CPNE4: variants seen among roughly 807,000 people sequenced by gnomAD.
CPNE4 encodes the protein copine 4, also known as copine-4.
Under a neutral mutation model 67.9 loss-of-function variants are expected in CPNE4, and 25 were observed. The ratio of observed to expected loss-of-function variants is 0.37; its 90% confidence interval spans 0.27 to 0.51. The LOEUF is 0.51. Among genes scored for constraint, CPNE4 ranks in the 20% least tolerant of loss-of-function variants. The pLI is 0.93. For missense variants in CPNE4, 464 were observed against 690.8 expected (o/e 0.67, Z 3.68); for synonymous variants, 242 against 244.9 (o/e 0.99, Z 0.11).
At chr3:131,581,711 A>T in intron 8 of CPNE4, 46 bp from the exon 9 acceptor site, 1 of 1,405,656 alleles carries the variant, frequency 7.1e-7, no homozygotes, top group Non-Finnish European at 1.0e-6. Context: ...GAAAAAGCTG[A>T]GTCTTTCAAT....
chr3:131,800,228 T>C (rs143651624), intron 2 of CPNE4, among the ~76,000 whole-genome samples: 121 of 152,246 alleles, frequency 7.9e-4, no homozygotes, highest in African/African-American at 2.7e-3. Context: ...TAAGTGAGAA[T>C]ATGTGATGCC....
intron 1 of CPNE4, among the ~76,000 whole-genome samples, chr3:131,956,574 AAT>A (rs2071979477): frequency 2.8e-5 from 4 of 144,010 alleles, no homozygotes; most frequent in Admixed American, 2.2e-4. Context: ...AATTATCATA[AAT>A]GTATAGAAAA....
At chr3:131,600,993 T>C (rs1939172156) in intron 7 of CPNE4, among the ~76,000 whole-genome samples, 1 of 152,152 alleles carries the variant, frequency 6.6e-6, no homozygotes, top group African/African-American at 2.4e-5. Flanking sequence ...CAAAACTTCC[T>C]TTTCCAAAAT....
intron 7 of CPNE4, among the ~76,000 whole-genome samples, chr3:131,621,914 G>C (rs550104610): frequency 1.3e-4 from 19 of 150,236 alleles, no homozygotes; most frequent in Admixed American, 2.7e-4. Context: ...TCAGGAGGTT[G>C]AGGTGAAAGA....
At chr3:131,858,772 A>G (rs2086556504) in intron 2 of CPNE4, among the ~76,000 whole-genome samples, 1 of 152,176 alleles carries the variant, frequency 6.6e-6, no homozygotes, top group Admixed American at 6.6e-5. Context: ...AGTTGTGGCT[A>G]TAAGGCAATA....
chr3:132,003,834 G>A (rs2073518596), intron 1 of CPNE4, among the ~76,000 whole-genome samples: 1 of 152,068 alleles, frequency 6.6e-6, no homozygotes, highest in African/African-American at 2.4e-5. Context: ...TGATTAAAAA[G>A]ACAAGGCTGC....
intron 1 of CPNE4, among the ~76,000 whole-genome samples, chr3:131,972,431 T>C (rs2072529069): frequency 1.3e-5 from 2 of 152,168 alleles, no homozygotes; most frequent in Non-Finnish European, 2.9e-5. Context: ...TCCCCAGTGA[T>C]CTTTTGTCCC....
intron 2 of CPNE4, among the ~76,000 whole-genome samples, chr3:131,833,861 G>T (rs2085464514): frequency 6.6e-6 from 1 of 152,164 alleles, no homozygotes; most frequent in South Asian, 2.1e-4. Flanking sequence ...CACTGTGCGA[G>T]CCACATATAG....
At chr3:131,967,671 T>C (rs2072390168) in intron 1 of CPNE4, among the ~76,000 whole-genome samples, 1 of 148,456 alleles carries the variant, frequency 6.7e-6, no homozygotes, top group Non-Finnish European at 1.5e-5. Flanking sequence ...TACAAGAGGC[T>C]CCTTGAAGGA....
At chr3:131,731,590 T>C (rs1481381943) in intron 2 of CPNE4, among the ~76,000 whole-genome samples, 3 of 152,132 alleles carry the variant, frequency 2.0e-5, no homozygotes, top group African/African-American at 7.2e-5. Flanking sequence ...GATTTCTCGG[T>C]TTGTATGCCT....
intron 1 of CPNE4, among the ~76,000 whole-genome samples, chr3:131,958,966 C>CTCTCTTTTTT (rs1560682447): frequency 3.6e-5 from 1 of 27,538 alleles, no homozygotes; most frequent in African/African-American, 2.0e-4. Context: ...CCTGATACAC[C>CTCTCTTTTTT]TTTCTTTTTT....
intron 6 of CPNE4, among the ~76,000 whole-genome samples, chr3:131,674,294 G>T (rs1037974576): frequency 4.0e-5 from 6 of 151,890 alleles, no homozygotes; most frequent in Admixed American, 2.6e-4. Context: ...ATGTATCTTT[G>T]TATGGTTTTG....
At chr3:131,654,803 T>C (rs894084324) in intron 7 of CPNE4, among the ~76,000 whole-genome samples, 1 of 152,134 alleles carries the variant, frequency 6.6e-6, no homozygotes, top group Non-Finnish European at 1.5e-5. Context: ...TAGAGACATA[T>C]TTTTTTATTA....
At chr3:131,765,276 T>C (rs2082982145) in intron 2 of CPNE4, among the ~76,000 whole-genome samples, 1 of 152,150 alleles carries the variant, frequency 6.6e-6, no homozygotes, top group South Asian at 2.1e-4. Context: ...GAACCAAGCA[T>C]TTCTTTCTGT....
intron 7 of CPNE4, among the ~76,000 whole-genome samples, chr3:131,638,892 G>A (rs2079464951): frequency 6.6e-6 from 1 of 152,046 alleles, no homozygotes; most frequent in East Asian, 1.9e-4. Flanking sequence ...CAAATATGTG[G>A]AAATTAAATA....
chr3:131,690,940 T>C (rs534909067), intron 5 of CPNE4, among the ~76,000 whole-genome samples: 1 of 152,086 alleles, frequency 6.6e-6, no homozygotes, highest in Admixed American at 6.6e-5. Context: ...GTGGTCAACA[T>C]ACATATGAAA....
intron 1 of CPNE4, among the ~76,000 whole-genome samples, chr3:131,964,282 G>C (rs2072274478): frequency 6.6e-6 from 1 of 152,088 alleles, no homozygotes; most frequent in Non-Finnish European, 1.5e-5. Context: ...GTCCAAAAAT[G>C]CTGAAAATTC....
chr3:131,619,451 T>C (rs982896986), intron 7 of CPNE4, among the ~76,000 whole-genome samples: 1 of 152,140 alleles, frequency 6.6e-6, no homozygotes, highest in Non-Finnish European at 1.5e-5. Flanking sequence ...GGGAGAGACA[T>C]GAAGGGCGGT....
intron 1 of CPNE4, among the ~76,000 whole-genome samples, chr3:131,926,921 G>A (rs1260817899): frequency 6.6e-6 from 1 of 152,102 alleles, no homozygotes; most frequent in Admixed American, 6.5e-5. Context: ...GTAGGGGTCT[G>A]AGGATGGGGT....
Sources: allele counts gnomAD v4.1 joint callset (sites outside exome capture counted in the v4.1 genomes callset), GRCh38; gene constraint gnomAD v4.1.1; transcripts MANE v1.5; gene names NCBI Gene and HGNC (gene_info 2026-07-23, HGNC 2026-07-21).